Variants in FIG4 observed in about 807,000 individuals in gnomAD.
The protein encoded by FIG4 is polyphosphoinositide phosphatase.
In FIG4, 112 loss-of-function variants were observed where a neutral mutation model predicts 118.6. The observed-to-expected ratio is 0.94, with a 90% CI of 0.81 to 1.11. The LOEUF is 1.11. Among genes scored for constraint, FIG4 ranks in the 50% least tolerant of loss-of-function variants. The probability of loss-of-function intolerance (pLI) is 0.00; values close to 1 mark genes in which losing one functional copy is unlikely to be tolerated. For synonymous variants in FIG4, 369 were observed against 381.2 expected (o/e 0.97, Z 0.37); for missense variants, 969 against 1,111.7 (o/e 0.87, Z 1.83).
At chr6:109,739,392 C>T (rs1487348199) in intron 7 of FIG4, among the ~76,000 whole-genome samples, 2 of 151,968 alleles carry the variant, frequency 1.3e-5, no homozygotes, top group African/African-American at 2.4e-5. Flanking sequence ...TTTGAGATCA[C>T]GTAGGGCATT....
At chr6:109,711,870 T>A (rs1202622797) in intron 1 of FIG4, among the ~76,000 whole-genome samples, 1 of 152,216 alleles carries the variant, frequency 6.6e-6, no homozygotes, top group Non-Finnish European at 1.5e-5. Flanking sequence ...TCTGTGTACT[T>A]CAGGGTGTTT....
At chr6:109,734,031 C>T (rs887034107) in intron 5 of FIG4, among the ~76,000 whole-genome samples, 1 of 151,890 alleles carries the variant, frequency 6.6e-6, no homozygotes, top group Non-Finnish European at 1.5e-5. Flanking sequence ...CAGAAACCAA[C>T]TTCTTAATAT....
chr6:109,732,677 T>C lies in FIG4; in HGVS notation c.487T>C (p.Phe163Leu), dbSNP rs939593389. ...TCAAAATGTGGACCTATCTAGCAAT[T>C]TTTACTTTAGGTAAGTGTGAGGTTA... ...IFQNVDLSSN[F>L]YFSYSYDLSH... The change falls in exon 5 of 23, where the codon TTT (phenylalanine) becomes CTT (leucine). Residue 163 changes from phenylalanine to leucine, a missense_variant. Phe to Leu is a conservative substitution (Grantham distance 22). This residue lies in a region of FIG4 where 393 missense variants were observed against 409.4 expected (regional missense o/e 0.96). Coordinates refer to ENST00000230124, the MANE Select transcript of FIG4 (RefSeq NM_014845.6). 1.3e-6 allele frequency: 2 copies of C among 1,538,192 alleles called. No individual in the cohort carries two copies. The highest frequency in any genetic ancestry group is 1.4e-5 in the African/African-American group (1 of 73,586).
At chr6:109,812,837 G>T in intron 22 of FIG4, among the ~76,000 whole-genome samples, 1 of 152,154 alleles carries the variant, frequency 6.6e-6, no homozygotes, top group East Asian at 1.9e-4. Flanking sequence ...TCGTTCCTCA[G>T]ACAGGAGTTA....
At chr6:109,695,627 G>A (rs1774695232) in intron 1 of FIG4, among the ~76,000 whole-genome samples, 1 of 145,558 alleles carries the variant, frequency 6.9e-6, no homozygotes, top group Admixed American at 7.0e-5. Context: ...CACACACAAT[G>A]TTGCCATGAC....
chr6:109,798,611 G>A (rs115500178), intron 22 of FIG4, among the ~76,000 whole-genome samples: 2,396 of 152,220 alleles, frequency 0.016, 58 homozygotes, highest in African/African-American at 0.055. Flanking sequence ...CCTAGGAAGC[G>A]AGACTACAGT....
intron 22 of FIG4, among the ~76,000 whole-genome samples, chr6:109,817,296 A>G (rs1414992931): frequency 6.6e-6 from 1 of 152,208 alleles, no homozygotes; most frequent in African/African-American, 2.4e-5. Context: ...TAGAGCCTAC[A>G]AACAATGCAG....
intron 13 of FIG4, 21 bp downstream of exon 13, chr6:109,764,003 CG>C: frequency 6.6e-7 from 1 of 1,514,928 alleles, no homozygotes; most frequent in Non-Finnish European, 9.2e-7. Context: ...TATTACAATT[CG>C]TAATGAATAG....
chr6:109,751,155 A>G (rs1776683055), intron 10 of FIG4, among the ~76,000 whole-genome samples: 1 of 152,168 alleles, frequency 6.6e-6, no homozygotes, highest in South Asian at 2.1e-4. Context: ...GTGCCTTAAC[A>G]CCATTTCAGT....
chr6:109,782,417 A>G (rs1451711587), intron 16 of FIG4, among the ~76,000 whole-genome samples: 1 of 152,216 alleles, frequency 6.6e-6, no homozygotes, highest in Non-Finnish European at 1.5e-5. Context: ...GTGTTGTTAA[A>G]TTGCTACATA....
At chr6:109,739,765 A>T (rs1776268966) in intron 7 of FIG4, among the ~76,000 whole-genome samples, 2 of 152,124 alleles carry the variant, frequency 1.3e-5, no homozygotes, top group Non-Finnish European at 1.5e-5. Context: ...ACAAAAAAAA[A>T]TTTAAAGGAG....
chr6:109,765,241 GC>G, intron 14 of FIG4, 80 bp downstream of exon 14: 1 of 1,191,284 alleles, frequency 8.4e-7, no homozygotes, highest in South Asian at 1.3e-5. Context: ...TTTTATGAAA[GC>G]GTTTCTACTT....
At chr6:109,731,976 A>C (rs569119876) in intron 4 of FIG4, among the ~76,000 whole-genome samples, 1 of 152,320 alleles carries the variant, frequency 6.6e-6, no homozygotes, top group South Asian at 2.1e-4. Flanking sequence ...ATATAATGCT[A>C]TGTATTATTT....
intron 22 of FIG4, among the ~76,000 whole-genome samples, chr6:109,823,804 C>A (rs1200666771): frequency 1.3e-5 from 2 of 152,172 alleles, no homozygotes; most frequent in African/African-American, 4.8e-5. Flanking sequence ...AATAGATTCT[C>A]CAGATTTTCT....
intron 21 of FIG4, among the ~76,000 whole-genome samples, chr6:109,793,928 T>A (rs1778207411): frequency 6.6e-6 from 1 of 152,220 alleles, no homozygotes; most frequent in Admixed American, 6.5e-5. Context: ...ACACAGTACT[T>A]ATTCATCATG....
At chr6:109,761,721 G>T (rs931677595) in intron 11 of FIG4, among the ~76,000 whole-genome samples, 7 of 152,100 alleles carry the variant, frequency 4.6e-5, no homozygotes, top group Non-Finnish European at 7.4e-5. Flanking sequence ...TTTCTGCTCT[G>T]CCACCTGCAC....
intron 17 of FIG4, among the ~76,000 whole-genome samples, chr6:109,785,451 T>A (rs928918124): frequency 6.6e-6 from 1 of 152,220 alleles, no homozygotes; most frequent in Non-Finnish European, 1.5e-5. Flanking sequence ...AAGGTACAGA[T>A]GCATGTATAA....
Position 109,792,625 on chromosome 6 carries a change from C to G in FIG4, c.2420C>G (p.Ser807Ter). 6.2e-7 allele frequency: 1 copy of G among 1,602,232 alleles called. No individual in the cohort carries two copies. Among genetic ancestry groups the G allele is most frequent in the Non-Finnish European group, 8.5e-7 (1 of 1,169,960 alleles). Residue 807 changes from serine to a stop codon, truncating the protein, a stop_gained, in exon 21 of 23, where the codon TCA becomes TGA. Transcript: ENST00000230124. LOFTEE classifies it high-confidence loss of function. ...AAGGAGCTATATGGAATTAACCTCTCAGATGGCCTCTCAGAAGAAGATTTC... is the reference window on the plus strand; with the variant it reads ...AAGGAGCTATATGGAATTAACCTCTGAGATGGCCTCTCAGAAGAAGATTTC... The part of the protein sequence containing the change: ...PMKELYGINL[S>*]DGLSEEDFSI...
At chr6:109,795,556 G>A (rs1778260834) in intron 21 of FIG4, among the ~76,000 whole-genome samples, 1 of 139,250 alleles carries the variant, frequency 7.2e-6, no homozygotes, top group Non-Finnish European at 1.5e-5. Context: ...TTAAAAAAAT[G>A]GAAAGGAAAT....
Sources: allele counts gnomAD v4.1 joint callset (sites outside exome capture counted in the v4.1 genomes callset), GRCh38; gene constraint gnomAD v4.1.1; regional missense constraint gnomAD v4.1.1; transcripts MANE v1.5; gene names NCBI Gene and HGNC (gene_info 2026-07-23, HGNC 2026-07-21).